The following ADAMTS17 variants were observed in gnomAD, a reference collection of about 807,000 sequenced individuals.
ADAMTS17 encodes the protein A disintegrin and metalloproteinase with thrombospondin motifs 17.
ADAMTS17 carries 113 observed loss-of-function variants against 141.5 expected under a neutral mutation model. That is an observed-to-expected ratio of 0.80 (90% CI 0.69 to 0.93). The LOEUF is 0.93. ADAMTS17 is among the 40% of genes least tolerant of loss of function. The probability of loss-of-function intolerance (pLI) is 0.00; values close to 1 mark genes in which losing one functional copy is unlikely to be tolerated. For missense variants in ADAMTS17, 1,659 were observed against 1,517.9 expected, an observed-to-expected ratio of 1.09 and a Z score of -1.54; for synonymous variants, 768 against 630.6, an observed-to-expected ratio of 1.22 and a Z score of -3.27.
chr15:100,315,388 G>T (rs12913874), intron 3 of ADAMTS17, among the ~76,000 whole-genome samples: 62,223 of 151,634 alleles, frequency 0.41, 13,143 homozygotes, highest in South Asian at 0.6. Flanking sequence ...GTGATCGGCC[G>T]ATCTCAAGGA....
At chr15:100,059,208 C>T (rs1439358030) in intron 15 of ADAMTS17, among the ~76,000 whole-genome samples, 2 of 152,204 alleles carry the variant, frequency 1.3e-5, no homozygotes, top group Non-Finnish European at 1.5e-5. Flanking sequence ...TTGTTTGAGG[C>T]CAGGCGTGGG....
intron 18 of ADAMTS17, among the ~76,000 whole-genome samples, chr15:100,044,766 T>A (rs4965274): frequency 6.6e-6 from 1 of 151,910 alleles, no homozygotes; most frequent in African/African-American, 2.4e-5. Flanking sequence ...ACAGCAGCAC[T>A]GCTCAACAGA....
At chr15:100,035,770 G>A (rs1396503942) in intron 18 of ADAMTS17, among the ~76,000 whole-genome samples, 1 of 152,132 alleles carries the variant, frequency 6.6e-6, no homozygotes, top group Non-Finnish European at 1.5e-5. Flanking sequence ...GTGGGCTCAG[G>A]CCGATATTAA....
chr15:100,253,211 A>C (rs2043207176), intron 7 of ADAMTS17, among the ~76,000 whole-genome samples: 1 of 151,292 alleles, frequency 6.6e-6, no homozygotes, highest in African/African-American at 2.4e-5. Flanking sequence ...AAAACTGGAA[A>C]CACCCTTGGC....
At chr15:100,297,573 C>G (rs1265380592) in intron 3 of ADAMTS17, among the ~76,000 whole-genome samples, 1 of 152,180 alleles carries the variant, frequency 6.6e-6, no homozygotes, top group Non-Finnish European at 1.5e-5. Flanking sequence ...TAATTCCTCA[C>G]TGACCTGGAT....
intron 15 of ADAMTS17, among the ~76,000 whole-genome samples, chr15:100,065,895 G>A (rs902713269): frequency 6.6e-6 from 1 of 152,078 alleles, no homozygotes; most frequent in Non-Finnish European, 1.5e-5. Flanking sequence ...CAACAGGCTG[G>A]GGGGTGTATG....
intron 3 of ADAMTS17, among the ~76,000 whole-genome samples, chr15:100,316,817 G>A (rs1447573516): frequency 3.3e-5 from 5 of 152,244 alleles, no homozygotes; most frequent in African/African-American, 1.2e-4. Flanking sequence ...GGAAAGGTAG[G>A]AATAGGAGAA....
At chr15:100,280,182 A>G (rs2044234064) in intron 4 of ADAMTS17, among the ~76,000 whole-genome samples, 1 of 151,214 alleles carries the variant, frequency 6.6e-6, no homozygotes, top group Admixed American at 6.6e-5. Context: ...CAGAATGGAA[A>G]CTCTTTGCTG....
At position 100,134,266 on chromosome 15, in the gene ADAMTS17, C is replaced by T. The variant is rs183218773; in HGVS notation, c.1474-951G>A. Among the ~76,000 whole-genome samples, 28 of 152,348 alleles carry T rather than the reference C, an allele frequency of 1.8e-4. No homozygotes were observed. In the East Asian group the frequency reaches 5.2e-3, roughly 28 times the overall value. On this transcript the variant is annotated intron_variant, in intron 10 of 21. Transcript: ENST00000268070. ...GACAGCAGTCACTTACTCAGGATTG[C>T]ACCTTTCTTGACTGCTCTCTCCCTC...
At chr15:100,121,218 C>T (rs964444798) in intron 12 of ADAMTS17, among the ~76,000 whole-genome samples, 1 of 152,008 alleles carries the variant, frequency 6.6e-6, no homozygotes, top group Non-Finnish European at 1.5e-5. Flanking sequence ...TGTGGGACAC[C>T]ATCGAGTGGA....
rs956343558 is a variant in ADAMTS17, at chr15:100,330,921, T to C, written c.584A>G (p.Gln195Arg). Residue 195 changes from glutamine to arginine, a missense_variant, in exon 3 of 22, where the codon CAG becomes CGG. Coordinates refer to ENST00000268070, the MANE Select transcript of ADAMTS17 (RefSeq NM_139057.4). ...AACCTTGCAGAGCTGCTCAGGTCTC[T>C]GGGCCTCAGCAGAAGGGCTGGGGGT... ...SLTPSPSAEA[Q>R]RPEQLCKVLT... The C allele has an allele frequency of 7.4e-6, 12 of 1,614,066 alleles. No homozygotes were observed. The highest frequency in any genetic ancestry group is 1.3e-5 in the African/African-American group (1 of 74,914).
chr15:100,056,626 T>C (rs11857646), intron 15 of ADAMTS17, among the ~76,000 whole-genome samples: 125,153 of 152,140 alleles, frequency 0.82, 51,957 homozygotes, highest in Non-Finnish European at 0.89. Context: ...CAGGCGGTCA[T>C]GCTCGCTCGC....
intron 14 of ADAMTS17, among the ~76,000 whole-genome samples, chr15:100,097,968 A>G (rs1383913306): frequency 6.6e-6 from 1 of 152,238 alleles, no homozygotes; most frequent in African/African-American, 2.4e-5. Context: ...AGACTTTTAG[A>G]TGTTCTAAAA....
At chr15:100,072,271 G>A (rs375285038) in intron 15 of ADAMTS17, among the ~76,000 whole-genome samples, 1 of 148,516 alleles carries the variant, frequency 6.7e-6, no homozygotes, top group East Asian at 1.9e-4. Context: ...ACAAACAAAT[G>A]GAAGAACATT....
chr15:100,119,951 A>G (rs902783025), intron 12 of ADAMTS17, among the ~76,000 whole-genome samples: 1 of 152,188 alleles, frequency 6.6e-6, no homozygotes, highest in African/African-American at 2.4e-5. Context: ...AACCTTATGA[A>G]ATGGAGGGCT....
chr15:100,317,037 T>C (rs1402300419), intron 3 of ADAMTS17, among the ~76,000 whole-genome samples: 3 of 152,228 alleles, frequency 2.0e-5, no homozygotes, highest in Non-Finnish European at 2.9e-5. Context: ...AGTGATATGG[T>C]TGGGTTTTAG....
At chr15:100,165,878 C>A (rs183779392) in intron 8 of ADAMTS17, among the ~76,000 whole-genome samples, 1 of 152,174 alleles carries the variant, frequency 6.6e-6, no homozygotes, top group Non-Finnish European at 1.5e-5. Flanking sequence ...AATTCTTTTT[C>A]CTTTCTCTCT....
At chr15:100,011,148 A>G (rs558621352) in intron 18 of ADAMTS17, among the ~76,000 whole-genome samples, 1 of 150,652 alleles carries the variant, frequency 6.6e-6, no homozygotes, top group East Asian at 2.0e-4. Flanking sequence ...TCAGTTAATT[A>G]GTTCAACCCC....
intron 18 of ADAMTS17, among the ~76,000 whole-genome samples, chr15:100,024,627 G>T (rs895506335): frequency 3.9e-5 from 6 of 152,182 alleles, no homozygotes; most frequent in African/African-American, 1.2e-4. Flanking sequence ...AGCCTGTTGG[G>T]TATGCTTGTT....
Sources: allele counts gnomAD v4.1 joint callset (sites outside exome capture counted in the v4.1 genomes callset), GRCh38; gene constraint gnomAD v4.1.1; transcripts MANE v1.5; gene names NCBI Gene and HGNC (gene_info 2026-07-23, HGNC 2026-07-21).